Variants in ARHGAP35 observed in about 807,000 individuals in gnomAD.
ARHGAP35 encodes rho GTPase-activating protein 35.
In ARHGAP35, 15 loss-of-function variants were observed where a neutral mutation model predicts 111.1. The observed-to-expected ratio is 0.13, with a 90% CI of 0.09 to 0.21. The LOEUF (loss-of-function observed/expected upper bound fraction) is 0.21, where lower values mean the gene tolerates loss of function less well. Among genes scored for constraint, ARHGAP35 ranks in the 10% least tolerant of loss-of-function variants. ARHGAP35 has a pLI of 1.00. For missense variants in ARHGAP35, 1,262 were observed against 1,873.0 expected (o/e 0.67, Z 6.02); for synonymous variants, 643 against 710.3 (o/e 0.91, Z 1.51).
At chr19:46,946,310 G>GGTACAT (rs2056379254) in intron 3 of ARHGAP35, among the ~76,000 whole-genome samples, 1 of 152,174 alleles carries the variant, frequency 6.6e-6, no homozygotes, top group Non-Finnish European at 1.5e-5. Flanking sequence ...GAGGGGTCAG[G>GGTACAT]GTACATCTCA....
At chr19:46,964,158 G>A (rs182586132) in intron 3 of ARHGAP35, among the ~76,000 whole-genome samples, 50 of 151,598 alleles carry the variant, frequency 3.3e-4, no homozygotes, top group Admixed American at 5.2e-4. Context: ...ATGAGCCACC[G>A]GACTCATTAT....
intron 1 of ARHGAP35, among the ~76,000 whole-genome samples, chr19:46,887,932 T>C (rs912307918): frequency 2.6e-5 from 4 of 151,638 alleles, no homozygotes; most frequent in African/African-American, 9.7e-5. Flanking sequence ...ACCCTCATTG[T>C]GCTGGTACTT....
At chr19:46,982,485 A>AG (rs1417376465) in intron 3 of ARHGAP35, among the ~76,000 whole-genome samples, 4 of 152,136 alleles carry the variant, frequency 2.6e-5, no homozygotes, top group African/African-American at 9.7e-5. Flanking sequence ...TCAAAAAAAA[A>AG]AAAAAAGATT....
At chr19:46,939,476 C>CTAGA (rs1419935219) in intron 3 of ARHGAP35, among the ~76,000 whole-genome samples, 1 of 151,966 alleles carries the variant, frequency 6.6e-6, no homozygotes, top group Non-Finnish European at 1.5e-5. Context: ...GTGGCACGAT[C>CTAGA]TAGACTCACT....
intron 5 of ARHGAP35, among the ~76,000 whole-genome samples, chr19:46,998,785 A>G (rs1398856457): frequency 1.3e-5 from 2 of 152,134 alleles, no homozygotes; most frequent in African/African-American, 4.8e-5. Context: ...GAATTCCCCC[A>G]CTGTTTCCAT....
At chr19:46,883,260 A>AT (rs2055972977) in intron 1 of ARHGAP35, among the ~76,000 whole-genome samples, 1 of 137,910 alleles carries the variant, frequency 7.3e-6, no homozygotes, top group African/African-American at 2.7e-5. Context: ...ATGCCTGGCT[A>AT]ATTTTTTTTT....
rs544583972 is a variant in ARHGAP35, at chr19:46,901,303, A to G, written c.-188-17185A>G. 1.3e-5 allele frequency among the ~76,000 whole-genome samples: 2 copies of G among 152,218 alleles called. No homozygotes were observed. Among genetic ancestry groups the G allele is most frequent in the Non-Finnish European group, 2.9e-5 (2 of 68,042 alleles). ...CCAGGCATAGTGGCTCACCCCTGTA[A>G]TCCCAGCACTTCGGGAGGCCGAGGC... On this transcript the variant is annotated intron_variant, in intron 1 of 6. Coordinates refer to ENST00000672722, the MANE Select transcript of ARHGAP35 (RefSeq NM_004491.5). This position sits in a 1 kb window ranked among gnomAD's most constrained non-coding sequence, Gnocchi z 4.5.
intron 3 of ARHGAP35, among the ~76,000 whole-genome samples, chr19:46,953,474 CTGAG>C (rs1467492887): frequency 6.6e-6 from 1 of 152,090 alleles, no homozygotes; most frequent in African/African-American, 2.4e-5. Flanking sequence ...GGTTTTTACT[CTGAG>C]TGAGGTAAGA....
In ARHGAP35 at chr19:46,951,083, C is replaced by T. The variant is rs565107755; in HGVS notation, c.3826+13675C>T. On this transcript the variant is annotated intron_variant, in intron 3 of 6. Transcript: ENST00000672722. ...GCAGGTCAGAGGTTACCCTCAGCTC[C>T]TCAGCTGCAAATGGAAGCCCTCTAT... Among the ~76,000 whole-genome samples, 5 of 152,360 alleles carry T rather than the reference C, an allele frequency of 3.3e-5. No homozygotes were observed. In the South Asian group the frequency reaches 1.0e-3, roughly 32 times the overall value.
At chr19:46,876,835 T>C (rs373846379) in intron 1 of ARHGAP35, among the ~76,000 whole-genome samples, 3 of 152,138 alleles carry the variant, frequency 2.0e-5, no homozygotes, top group African/African-American at 4.8e-5. Context: ...AATATAGTGG[T>C]AGGAAAATAA....
chr19:46,921,203 C>G lies in ARHGAP35; in HGVS notation c.2528C>G (p.Ser843Cys). ...IELSVLSYHSSFSIRKSRLVH... is the reference protein window; with the variant it reads ...IELSVLSYHSCFSIRKSRLVH... ...CTGTCTGTTCTTTCATACCATTCCT[C>G]CTTTAGCATCAGAAAGAGCCGGTTG... Residue 843 changes from serine to cysteine, a missense_variant, in exon 2 of 7, where the codon TCC becomes TGC. Coordinates refer to ENST00000672722, the MANE Select transcript of ARHGAP35 (RefSeq NM_004491.5). This position sits in a 1 kb window ranked among gnomAD's most constrained non-coding sequence, Gnocchi z 4.3. 6.2e-7 allele frequency: 1 copy of G among 1,614,042 alleles called. No homozygotes were observed. The highest frequency in any genetic ancestry group is 8.5e-7 in the Non-Finnish European group (1 of 1,179,900).
chr19:46,958,384 C>CAAA (rs796810574), intron 3 of ARHGAP35, among the ~76,000 whole-genome samples: 1 of 75,602 alleles, frequency 1.3e-5, no homozygotes, highest in Non-Finnish European at 2.7e-5. Flanking sequence ...GACTCCGTCT[C>CAAA]AAAAAAAAAA....
chr19:46,983,759 A>G (rs973270471), intron 3 of ARHGAP35, among the ~76,000 whole-genome samples: 2 of 151,522 alleles, frequency 1.3e-5, no homozygotes, highest in Non-Finnish European at 2.9e-5. Context: ...GACTACAGGC[A>G]CCCGCCACCA....
chr19:46,998,068 C>T (rs1050555010), intron 5 of ARHGAP35, among the ~76,000 whole-genome samples: 6 of 151,840 alleles, frequency 4.0e-5, no homozygotes, highest in African/African-American at 1.5e-4. Flanking sequence ...CACCACTGCA[C>T]TCCAGCCTGG....
chr19:46,950,331 G>A (rs769339950), intron 3 of ARHGAP35, among the ~76,000 whole-genome samples: 1 of 151,984 alleles, frequency 6.6e-6, no homozygotes, highest in African/African-American at 2.4e-5. Flanking sequence ...ACTCTTCCTG[G>A]ACATTTGGGT....
rs192479330 is a variant in ARHGAP35, at chr19:46,998,445, G to A, written c.4037-859G>A. Among the ~76,000 whole-genome samples, 11 of 152,300 alleles carry A rather than the reference G, an allele frequency of 7.2e-5. No individual in the cohort carries two copies. In the East Asian group the frequency reaches 1.9e-3, roughly 27 times the overall value. ...GCCAGCTGGGCTCCAGGTGGGCTCT[G>A]GGACGTTTGTGCCTCACCAGCCCCG... On this transcript the variant is annotated intron_variant, in intron 5 of 6. Coordinates refer to ENST00000672722, the MANE Select transcript of ARHGAP35 (RefSeq NM_004491.5).
intron 1 of ARHGAP35, among the ~76,000 whole-genome samples, chr19:46,915,876 T>A (rs2056159428): frequency 1.3e-5 from 2 of 152,142 alleles, no homozygotes; most frequent in Admixed American, 1.3e-4. Context: ...AAGGTGCCAT[T>A]TTTTTGGCCA....
intron 3 of ARHGAP35, among the ~76,000 whole-genome samples, chr19:46,981,446 T>A (rs1295036948): frequency 6.6e-6 from 1 of 152,220 alleles, no homozygotes; most frequent in East Asian, 1.9e-4. Context: ...AGTATTGATG[T>A]GTTGCTAGAA....
At chr19:46,978,198 T>G (rs1410171798) in intron 3 of ARHGAP35, among the ~76,000 whole-genome samples, 1 of 152,178 alleles carries the variant, frequency 6.6e-6, no homozygotes, top group African/African-American at 2.4e-5. Flanking sequence ...GGGACTGGGA[T>G]CAGCCTTCCT....
Sources: gnomAD v4.1 joint callset for allele counts (sites outside exome capture counted in the v4.1 genomes callset) on GRCh38, gnomAD v4.1.1 for gene constraint, Gnocchi (gnomAD v3.1) non-coding constraint, MANE v1.5 for transcripts, NCBI Gene and HGNC (gene_info 2026-07-23, HGNC 2026-07-21) for gene names.